The following DGKH variants were observed in gnomAD, a reference collection of about 807,000 sequenced individuals.
DGKH encodes the protein DAG kinase eta.
Under a neutral mutation model 159.3 loss-of-function variants are expected in DGKH, and 90 were observed. The ratio of observed to expected loss-of-function variants is 0.57; its 90% confidence interval spans 0.48 to 0.67. The LOEUF (loss-of-function observed/expected upper bound fraction) is 0.67. Among genes scored for constraint, DGKH ranks in the 30% least tolerant of loss-of-function variants. DGKH has a pLI of 0.00. For synonymous variants in DGKH, 536 were observed against 553.8 expected (o/e 0.97, Z 0.45); for missense variants, 1,181 against 1,506.1 (o/e 0.78, Z 3.57).
intron 29 of DGKH, among the ~76,000 whole-genome samples, chr13:42,252,127 CTT>C (rs558846035): frequency 2.1e-5 from 3 of 145,736 alleles, no homozygotes; most frequent in African/African-American, 5.0e-5. Context: ...AGAGCTTTTC[CTT>C]TTTTTTTTTT....
chr13:42,155,159 A>T (rs1181938338), intron 3 of DGKH, 132 bp from the exon 4 acceptor site: 7 of 713,912 alleles, frequency 9.8e-6, no homozygotes, highest in Non-Finnish European at 1.1e-5. Context: ...ACATTATTTT[A>T]TCATACAGAT....
intron 24 of DGKH, among the ~76,000 whole-genome samples, chr13:42,211,263 G>A (rs61959256): frequency 0.13 from 19,302 of 152,156 alleles, 1,621 homozygotes; most frequent in Admixed American, 0.22. Flanking sequence ...CTTATCTACC[G>A]AATGGGGCTA....
At chr13:42,117,519 T>A (rs1209261194) in intron 1 of DGKH, among the ~76,000 whole-genome samples, 1 of 152,260 alleles carries the variant, frequency 6.6e-6, no homozygotes, top group East Asian at 1.9e-4. Context: ...TAAATCTTTT[T>A]AATCATATCT....
intron 20 of DGKH, among the ~76,000 whole-genome samples, chr13:42,204,627 T>C (rs971347637): frequency 5.9e-5 from 9 of 152,164 alleles, no homozygotes; most frequent in African/African-American, 2.2e-4. Context: ...CTCCTATGCA[T>C]CCTCACTAAG....
intron 3 of DGKH, among the ~76,000 whole-genome samples, chr13:42,149,604 A>G (rs1043328181): frequency 1.3e-5 from 2 of 152,242 alleles, no homozygotes; most frequent in East Asian, 1.9e-4. Context: ...AAACTATCAC[A>G]ATAGGTGACC....
chr13:42,118,080 G>A (rs1286948308), intron 1 of DGKH, among the ~76,000 whole-genome samples: 2 of 152,170 alleles, frequency 1.3e-5, no homozygotes, highest in African/African-American at 4.8e-5. Context: ...AGCCGGGCGT[G>A]TTGGCGGGCG....
At chr13:42,054,539 G>A (rs1039698737) in intron 1 of DGKH, among the ~76,000 whole-genome samples, 2 of 152,154 alleles carry the variant, frequency 1.3e-5, no homozygotes, top group East Asian at 3.8e-4. Flanking sequence ...TGGGCCATAA[G>A]GTGTCTGCTG....
chr13:42,190,445 A>G lies in DGKH; in HGVS notation c.1955A>G (p.Gln652Arg). The change falls in exon 16 of 30, where the codon CAG (glutamine) becomes CGG (arginine). Residue 652 changes from glutamine to arginine, a missense_variant. By Grantham distance (43) the Gln-to-Arg change is conservative. Around this residue, in one of 5 missense-constraint regions of DGKH, gnomAD observed 257 missense variants for 281.5 expected, o/e 0.91. Coordinates refer to ENST00000337343, the MANE Select transcript of DGKH (RefSeq NM_178009.5). The part of the protein sequence containing the change: ...PTVHPCEPAN[Q>R]SSDYDSTETD... Reference sequence around the variant, plus strand: ...GTTCACCCCTGTGAACCAGCTAATCAGTCCTCTGATTATGACAGCACAGAA... The same window carrying G: ...GTTCACCCCTGTGAACCAGCTAATCGGTCCTCTGATTATGACAGCACAGAA... 6.2e-7 allele frequency: 1 copy of G among 1,611,420 alleles called. No individual in the cohort carries two copies. The highest frequency in any genetic ancestry group is 1.3e-5 in the African/African-American group (1 of 74,934).
At chr13:42,220,299 A>G (rs1957931749) in intron 28 of DGKH, among the ~76,000 whole-genome samples, 1 of 152,184 alleles carries the variant, frequency 6.6e-6, no homozygotes, top group South Asian at 2.1e-4. Flanking sequence ...TTTTGAGGAC[A>G]CTGTTTCAAC....
At chr13:42,085,674 A>G (rs1047749583) in intron 1 of DGKH, among the ~76,000 whole-genome samples, 1 of 152,256 alleles carries the variant, frequency 6.6e-6, no homozygotes, top group Non-Finnish European at 1.5e-5. Context: ...AACGAGCCAG[A>G]GTTTGATTCT....
chr13:42,089,946 A>C lies in DGKH; in HGVS notation c.193-37517A>C, dbSNP rs556509533. Among the ~76,000 whole-genome samples the C allele has an allele frequency of 1.4e-4, 22 of 152,344 alleles. No individual in the cohort carries two copies. In the South Asian group the frequency reaches 4.6e-3, roughly 32 times the overall value. On this transcript the variant is annotated intron_variant, in intron 1 of 29. Transcript: ENST00000337343. ...AAAAAATTAAATTAGAAAAAAAACA[A>C]ACCCCAGAAAGGTATTTGGAAAATT... is the stretch of plus-strand genomic sequence containing the variant.
In DGKH at chr13:42,174,115, G is replaced by A; in HGVS notation, c.1423G>A (p.Gly475Arg). 1 of 1,613,492 alleles carries A rather than the reference G, an allele frequency of 6.2e-7. No homozygotes were observed. Among genetic ancestry groups the A allele is most frequent in the Non-Finnish European group, 8.5e-7 (1 of 1,179,896 alleles). ...KLPPKASLLP[G>R]PPEASEEFYM... is the part of the protein sequence containing the mutation. ...GCCACCAAAAGCTTCCCTACTTCCA[G>A]GACCTCCAGAAGCATCTGAAGAATT... Residue 475 changes from glycine (G) to arginine (R), a missense_variant, in exon 12 of 30, where the codon GGA becomes AGA. Physicochemically the swap from Gly to Arg is moderately radical, Grantham distance 125. Around this residue, in one of 5 missense-constraint regions of DGKH, gnomAD observed 369 missense variants for 519.4 expected, o/e 0.71. Coordinates refer to ENST00000337343, the MANE Select transcript of DGKH (RefSeq NM_178009.5).
At chr13:42,251,870 AAC>A (rs1343698495) in intron 29 of DGKH, among the ~76,000 whole-genome samples, 1 of 152,232 alleles carries the variant, frequency 6.6e-6, no homozygotes, top group Non-Finnish European at 1.5e-5. Context: ...CATAATTATT[AAC>A]ACAGTTATCT....
rs1472718280 is a variant in DGKH at position 42,233,690 on chromosome 13, C to T, written c.*4502C>T. ...TGGCAGACCAACACAGCTAGCCTCT[C>T]TCTAGCCCTCCCTCCACCTCTAAGT... is the stretch of plus-strand genomic sequence containing the variant. On this transcript the variant is annotated 3_prime_UTR_variant, in exon 30 of 30. Coordinates refer to ENST00000337343, the MANE Select transcript of DGKH (RefSeq NM_178009.5). 2 of 152,266 alleles carry T rather than the reference C, an allele frequency of 1.3e-5. No homozygotes were observed. The highest frequency in any genetic ancestry group is 2.9e-5 in the Non-Finnish European group (2 of 68,066). The allele number at this position is 152,266 out of a possible 1,614,324, so 9.4% of individuals were successfully genotyped here.
At chr13:42,177,976 G>A (rs187146468) in intron 12 of DGKH, among the ~76,000 whole-genome samples, 159 bp from the exon 13 acceptor site, 1 of 152,186 alleles carries the variant, frequency 6.6e-6, no homozygotes, top group East Asian at 1.9e-4. Flanking sequence ...TTTGCCAAAA[G>A]GAAATATCTA....
rs757008489 is a variant in DGKH at position 42,230,719 on chromosome 13, T to C, written c.*1531T>C. The C allele has an allele frequency of 1.2e-4, 19 of 152,242 alleles. No individual in the cohort carries two copies. Among genetic ancestry groups the C allele is most frequent in the South Asian group, 4.1e-4 (2 of 4,824 alleles). The allele number at this position is 152,242 out of a possible 1,614,324, so 9.4% of individuals were successfully genotyped here. Reference sequence around the variant, plus strand: ...ACATACATACACATATACATTTATATGTGTATATATATACCTACATACATA... The same window carrying C: ...ACATACATACACATATACATTTATACGTGTATATATATACCTACATACATA... On this transcript the variant is annotated 3_prime_UTR_variant, in exon 30 of 30. Coordinates refer to ENST00000337343, the MANE Select transcript of DGKH (RefSeq NM_178009.5).
chr13:42,107,859 G>A (rs559288465), intron 1 of DGKH, among the ~76,000 whole-genome samples: 4 of 152,212 alleles, frequency 2.6e-5, no homozygotes, highest in Admixed American at 2.0e-4. Flanking sequence ...CCTGATGGGG[G>A]AGCTGAGACA....
intron 1 of DGKH, among the ~76,000 whole-genome samples, chr13:42,086,822 C>CTT (rs1954311894): frequency 9.9e-5 from 15 of 152,104 alleles, no homozygotes; most frequent in Non-Finnish European, 1.9e-4. Flanking sequence ...GACCACAGTG[C>CTT]TGGAGGGGAA....
At chr13:42,167,215 G>A (rs947254667) in intron 9 of DGKH, among the ~76,000 whole-genome samples, 2 of 152,016 alleles carry the variant, frequency 1.3e-5, no homozygotes, top group Admixed American at 1.3e-4. Context: ...TTTCACTGAG[G>A]GAAAATATAC....
Sources: allele counts gnomAD v4.1 joint callset (sites outside exome capture counted in the v4.1 genomes callset), GRCh38; gene constraint gnomAD v4.1.1; regional missense constraint gnomAD v4.1.1; transcripts MANE v1.5; gene names NCBI Gene and HGNC (gene_info 2026-07-23, HGNC 2026-07-21).